The following TMPRSS11E variants were observed in gnomAD, a reference collection of about 807,000 sequenced individuals.
TMPRSS11E encodes the protein transmembrane serine protease 11E, also known as transmembrane protease serine 11E.
TMPRSS11E carries 38 observed loss-of-function variants against 48.1 expected under a neutral mutation model. The observed-to-expected ratio is 0.79, with a 90% CI of 0.61 to 1.04. TMPRSS11E has a LOEUF of 1.04. Among genes scored for constraint, TMPRSS11E ranks in the 50% least tolerant of loss-of-function variants. TMPRSS11E has a pLI of 0.00. For synonymous variants in TMPRSS11E, 158 were observed against 171.9 expected, an observed-to-expected ratio of 0.92 and a Z score of 0.63; for missense variants, 530 against 510.8, an observed-to-expected ratio of 1.04 and a Z score of -0.36.
intron 4 of TMPRSS11E, among the ~76,000 whole-genome samples, chr4:68,469,411 A>G (rs182906927): frequency 2.6e-5 from 4 of 152,080 alleles, no homozygotes; most frequent in Admixed American, 6.6e-5. Context: ...CCATTGATAA[A>G]TGGGTTTAGT....
intron 9 of TMPRSS11E, among the ~76,000 whole-genome samples, chr4:68,490,902 G>A (rs1404567279): frequency 6.6e-6 from 1 of 151,818 alleles, no homozygotes; most frequent in African/African-American, 2.4e-5. Context: ...GAGATTAAAG[G>A]CATGTGCCAC....
chr4:68,477,443 G>A lies in TMPRSS11E; in HGVS notation c.782G>A (p.Arg261Gln), dbSNP rs762757505. The A allele has an allele frequency of 1.1e-5, 18 of 1,613,878 alleles. No individual in the cohort carries two copies. Among genetic ancestry groups the A allele is most frequent in the Middle Eastern group, 1.6e-4 (1 of 6,084 alleles). Residue 261 changes from arginine to glutamine, a missense_variant, in exon 8 of 10, where the codon CGG becomes CAG. By Grantham distance (43) the Arg-to-Gln change is conservative (BLOSUM62 1). Coordinates refer to ENST00000305363, the MANE Select transcript of TMPRSS11E (RefSeq NM_014058.4). Reference protein sequence around the residue: ...IKPSKMKRGLRRIIVHEKYKH... With the variant: ...IKPSKMKRGLQRIIVHEKYKH... ...CCTTCGAAAATGAAACGGGGTCTCC[G>A]GAGAATAATTGTCCATGAAAAATAC...
intron 9 of TMPRSS11E, among the ~76,000 whole-genome samples, chr4:68,482,167 T>TAGAATGGTAGG (rs1553916820): frequency 1.3e-5 from 2 of 151,316 alleles, no homozygotes; most frequent in Non-Finnish European, 2.9e-5. Flanking sequence ...GCAAGAGGGA[T>TAGAATGGTAGG]AGAGGTGCCA....
At chr4:68,486,595 A>C (rs1259432326) in intron 9 of TMPRSS11E, among the ~76,000 whole-genome samples, 2 of 152,184 alleles carry the variant, frequency 1.3e-5, no homozygotes, top group Non-Finnish European at 2.9e-5. Flanking sequence ...ATGCAGATGA[A>C]AAGAATGTAT....
chr4:68,495,181 T>A (rs1729832793), intron 9 of TMPRSS11E, among the ~76,000 whole-genome samples: 1 of 152,192 alleles, frequency 6.6e-6, no homozygotes, highest in Admixed American at 6.5e-5. Context: ...TCTATATTTT[T>A]TTCTATTTGA....
chr4:68,492,100 C>T (rs1000395633), intron 9 of TMPRSS11E, among the ~76,000 whole-genome samples: 17 of 152,176 alleles, frequency 1.1e-4, no homozygotes, highest in Admixed American at 7.2e-4. Flanking sequence ...GAGGAACACA[C>T]GGAACAAAGT....
At chr4:68,450,980 T>C (rs1728482229) in intron 1 of TMPRSS11E, among the ~76,000 whole-genome samples, 1 of 151,930 alleles carries the variant, frequency 6.6e-6, no homozygotes, top group East Asian at 1.9e-4. Flanking sequence ...CCTCCAAAAA[T>C]ATGTCATTGC....
intron 1 of TMPRSS11E, among the ~76,000 whole-genome samples, chr4:68,455,429 G>A (rs140517487): frequency 1.1e-4 from 16 of 152,026 alleles, no homozygotes; most frequent in Admixed American, 7.2e-4. Flanking sequence ...GCTGGAACTC[G>A]TTTGATGTGG....
chr4:68,473,463 A>G (rs757745498), intron 5 of TMPRSS11E, among the ~76,000 whole-genome samples: 8 of 152,100 alleles, frequency 5.3e-5, no homozygotes, highest in Non-Finnish European at 8.8e-5. Flanking sequence ...TGGGTCCACT[A>G]GAATTCTGAT....
rs1383681473 is a variant in TMPRSS11E at position 68,471,530 on chromosome 4, A to G, written c.397A>G (p.Thr133Ala). Reference protein sequence around the residue: ...CRFHSTEDPETVDKIVQLVLH... With the variant: ...CRFHSTEDPEAVDKIVQLVLH... ...ATTTCACTCTACTGAGGATCCTGAA[A>G]CTGTAGATAAAATTGTTCAACTTGT... The change falls in exon 5 of 10, where the codon ACT becomes GCT. Residue 133 changes from threonine (T) to alanine (A), a missense_variant. Thr to Ala is a moderately conservative substitution (Grantham distance 58, BLOSUM62 0). Coordinates refer to ENST00000305363, the MANE Select transcript of TMPRSS11E (RefSeq NM_014058.4). 2 of 1,611,008 alleles carry G rather than the reference A, an allele frequency of 1.2e-6. No homozygotes were observed. Among genetic ancestry groups the G allele is most frequent in the Non-Finnish European group, 1.7e-6 (2 of 1,178,622 alleles).
At chr4:68,488,978 T>G (rs558786535) in intron 9 of TMPRSS11E, among the ~76,000 whole-genome samples, 1 of 152,332 alleles carries the variant, frequency 6.6e-6, no homozygotes, top group East Asian at 1.9e-4. Context: ...GAATTCCATG[T>G]CTGTCATTTC....
intron 1 of TMPRSS11E, among the ~76,000 whole-genome samples, chr4:68,453,043 G>A (rs1298374662): frequency 6.6e-6 from 1 of 151,918 alleles, no homozygotes. Flanking sequence ...ATTGCTGTGG[G>A]TGGAGTGGGA....
intron 9 of TMPRSS11E, among the ~76,000 whole-genome samples, chr4:68,494,663 G>A (rs34976817): frequency 6.6e-6 from 1 of 151,998 alleles, no homozygotes; most frequent in East Asian, 1.9e-4. Context: ...AGACAGACTG[G>A]TCCCTCAAAA....
Position 68,478,950 on chromosome 4 carries a change from T to C in TMPRSS11E, c.1069T>C (p.Leu357=). Residue 357 remains leucine, a synonymous_variant, in exon 9 of 10, where the codon TTA becomes CTA. Coordinates refer to ENST00000305363, the MANE Select transcript of TMPRSS11E (RefSeq NM_014058.4). Reference sequence around the variant, plus strand: ...CAATGACGCCATAACTCCTAGAATGTTATGTGCTGGCTCCTTAGAAGGAAA... The same window carrying C: ...CAATGACGCCATAACTCCTAGAATGCTATGTGCTGGCTCCTTAGAAGGAAA... ...AYNDAITPRM[L]CAGSLEGKTD... 1 of 1,614,100 alleles carries C rather than the reference T, an allele frequency of 6.2e-7. No homozygotes were observed. The highest frequency in any genetic ancestry group is 8.5e-7 in the Non-Finnish European group (1 of 1,179,968).
At chr4:68,469,328 C>T (rs1178330036) in intron 4 of TMPRSS11E, among the ~76,000 whole-genome samples, 1 of 151,894 alleles carries the variant, frequency 6.6e-6, no homozygotes, top group East Asian at 1.9e-4. Context: ...ATTAATCAAT[C>T]TTCTTTATCT....
At chr4:68,480,177 G>A (rs1426885948) in intron 9 of TMPRSS11E, among the ~76,000 whole-genome samples, 1 of 151,466 alleles carries the variant, frequency 6.6e-6, no homozygotes, top group Non-Finnish European at 1.5e-5. Flanking sequence ...CCTTTGTCAA[G>A]TTTGAGAAAT....
In TMPRSS11E at chr4:68,466,766, C is replaced by T. The variant is rs1728938435; in HGVS notation, c.258+14C>T. On this transcript the variant is annotated intron_variant, in intron 3 of 9. Coordinates refer to ENST00000305363, the MANE Select transcript of TMPRSS11E (RefSeq NM_014058.4). ...CTTGAATCAATGGTAAGCAACTTGT[C>T]ATCTACTTCTAGTGCATTTGCTTTC... is the stretch of plus-strand genomic sequence containing the variant. 6.2e-7 allele frequency: 1 copy of T among 1,613,196 alleles called. No individual in the cohort carries two copies. Among genetic ancestry groups the T allele is most frequent in the Non-Finnish European group, 8.5e-7 (1 of 1,179,468 alleles).
intron 4 of TMPRSS11E, among the ~76,000 whole-genome samples, chr4:68,470,356 A>G (rs1729031397): frequency 6.6e-6 from 1 of 151,844 alleles, no homozygotes; most frequent in Non-Finnish European, 1.5e-5. Context: ...TGCAAAAGAT[A>G]AGAAGTTTCA....
At chr4:68,476,487 GT>G in intron 7 of TMPRSS11E, 49 bp downstream of exon 7, 1 of 1,529,196 alleles carries the variant, frequency 6.5e-7, no homozygotes, top group East Asian at 2.3e-5. Flanking sequence ...AGTGCACTGG[GT>G]TTTGGCAAGA....
Sources: gnomAD v4.1 joint callset for allele counts (sites outside exome capture counted in the v4.1 genomes callset) on GRCh38, gnomAD v4.1.1 for gene constraint, MANE v1.5 for transcripts, NCBI Gene and HGNC (gene_info 2026-07-23, HGNC 2026-07-21) for gene names.